KHDRBS2: variants seen among roughly 807,000 people sequenced by gnomAD.
KHDRBS2 encodes KH RNA binding domain containing, signal transduction associated 2.
Under a neutral mutation model 44.3 loss-of-function variants are expected in KHDRBS2, and 26 were observed. The ratio of observed to expected loss-of-function variants is 0.59; its 90% CI spans 0.43 to 0.81. KHDRBS2 has a LOEUF of 0.81. KHDRBS2 is among the 40% of genes least tolerant of loss of function. KHDRBS2 has a pLI of 0.00. For synonymous variants in KHDRBS2, 194 were observed against 151.1 expected, an observed-to-expected ratio of 1.28 and a Z score of -2.08; for missense variants, 476 against 433.1, an observed-to-expected ratio of 1.10 and a Z score of -0.88.
the KHDRBS2 span, among the ~76,000 whole-genome samples, chr6:61,635,464 T>C: frequency 2.0e-5 from 3 of 152,062 alleles, no homozygotes; most frequent in Admixed American, 6.6e-5. Context: ...ATGAACAGTA[T>C]GGTTACTGAC....
intron 1 of KHDRBS2, among the ~76,000 whole-genome samples, chr6:62,251,213 T>G (rs1478212179): frequency 1.3e-5 from 2 of 151,864 alleles, no homozygotes; most frequent in African/African-American, 2.4e-5. Context: ...GTAGCTTTCA[T>G]ATTTAGGAAA....
At chr6:61,549,978 CT>C in the KHDRBS2 span, among the ~76,000 whole-genome samples, 1 of 151,994 alleles carries the variant, frequency 6.6e-6, no homozygotes, top group Non-Finnish European at 1.5e-5. Context: ...AAAAACCATT[CT>C]TTTTTAATGT....
chr6:61,984,290 A>AGAT (rs1326381571), intron 3 of KHDRBS2, among the ~76,000 whole-genome samples: 1 of 152,138 alleles, frequency 6.6e-6, no homozygotes, highest in African/African-American at 2.4e-5. Context: ...TCCCTTTTAC[A>AGAT]GATATCATAT....
intron 6 of KHDRBS2, among the ~76,000 whole-genome samples, chr6:61,851,750 A>C (rs558091518): frequency 6.6e-6 from 1 of 152,352 alleles, no homozygotes; most frequent in Admixed American, 6.5e-5. Flanking sequence ...ATGGCAACCT[A>C]GTGAACTATA....
chr6:62,223,396 A>G (rs1831227641), intron 1 of KHDRBS2, among the ~76,000 whole-genome samples: 1 of 151,894 alleles, frequency 6.6e-6, no homozygotes, highest in Non-Finnish European at 1.5e-5. Context: ...CAACGAAATC[A>G]TTTTCTCCTA....
At chr6:62,281,674 C>A (rs553802620) in intron 1 of KHDRBS2, among the ~76,000 whole-genome samples, 1 of 152,088 alleles carries the variant, frequency 6.6e-6, no homozygotes, top group Non-Finnish European at 1.5e-5. Flanking sequence ...ACAAGCATCA[C>A]AAGCAGAAGT....
intron 6 of KHDRBS2, 63 bp downstream of exon 6, chr6:61,894,572 G>A: frequency 7.6e-7 from 1 of 1,318,194 alleles, no homozygotes; most frequent in Non-Finnish European, 1.1e-6. Context: ...AACAGTTTGA[G>A]ACGTAGCTTG....
chr6:61,859,214 T>A (rs1451278156), intron 6 of KHDRBS2, among the ~76,000 whole-genome samples: 1 of 151,928 alleles, frequency 6.6e-6, no homozygotes, highest in African/African-American at 2.4e-5. Flanking sequence ...GAAAGTATGT[T>A]AATGACTCCA....
the KHDRBS2 span, among the ~76,000 whole-genome samples, chr6:61,549,070 A>G: frequency 6.6e-6 from 1 of 152,206 alleles, no homozygotes; most frequent in Admixed American, 6.5e-5. Context: ...AAATGTAAAC[A>G]TAACGTGAAA....
chr6:62,061,537 A>G (rs1424821926), intron 2 of KHDRBS2, among the ~76,000 whole-genome samples: 1 of 148,212 alleles, frequency 6.7e-6, no homozygotes, highest in Non-Finnish European at 1.5e-5. Context: ...TTCTGCCAAG[A>G]GATCCGCTGT....
chr6:62,033,928 AAGAG>A (rs1294322273), intron 3 of KHDRBS2, among the ~76,000 whole-genome samples: 7 of 150,354 alleles, frequency 4.7e-5, no homozygotes, highest in Admixed American at 6.6e-5. Flanking sequence ...TATATTTAGA[AAGAG>A]AGAGAGAGAG....
At chr6:62,246,000 C>T (rs192886513) in intron 1 of KHDRBS2, among the ~76,000 whole-genome samples, 2 of 151,366 alleles carry the variant, frequency 1.3e-5, no homozygotes, top group Admixed American at 1.3e-4. Flanking sequence ...GCAGCAGGAA[C>T]TGCAAACCTT....
intron 3 of KHDRBS2, among the ~76,000 whole-genome samples, chr6:61,989,010 G>A (rs1438705319): frequency 6.6e-6 from 1 of 152,154 alleles, no homozygotes; most frequent in African/African-American, 2.4e-5. Context: ...AAAATGTATG[G>A]TGTTAAAAGA....
At chr6:61,711,134 T>C (rs1770451813) in intron 7 of KHDRBS2, among the ~76,000 whole-genome samples, 1 of 151,586 alleles carries the variant, frequency 6.6e-6, no homozygotes, top group Admixed American at 6.6e-5. Flanking sequence ...AATTTAAAAA[T>C]ACTAAATAAT....
At position 61,767,442 on chromosome 6, in the gene KHDRBS2, T is replaced by C. The variant is rs72878832; in HGVS notation, c.811-34678A>G. On this transcript the variant is annotated intron_variant, in intron 6 of 8. Transcript: ENST00000281156. ...CACTCTATGTCTTTTGATTAGAGTT[T>C]AGTGTATTTACATTCAATATTATTA... 4.5e-3 allele frequency among the ~76,000 whole-genome samples: 692 copies of C among 152,232 alleles called. 2 individuals are homozygous for C. Among genetic ancestry groups the C allele is most frequent in the Non-Finnish European group, 7.7e-3 (521 of 67,962 alleles).
chr6:62,229,570 T>C, intron 1 of KHDRBS2, among the ~76,000 whole-genome samples: 1 of 152,342 alleles, frequency 6.6e-6, no homozygotes, highest in South Asian at 2.1e-4. Context: ...ATGCAGATTC[T>C]AGCTTAGTGG....
intron 2 of KHDRBS2, among the ~76,000 whole-genome samples, chr6:62,072,522 C>A (rs1795383884): frequency 2.6e-5 from 4 of 152,040 alleles, no homozygotes; most frequent in Admixed American, 2.0e-4. Flanking sequence ...CTCATTAATA[C>A]CTAATTTATT....
rs546498677 is a variant in KHDRBS2, at chr6:62,277,308, A to G, written c.91+8550T>C. Among the ~76,000 whole-genome samples, 66 of 152,110 alleles carry G rather than the reference A, an allele frequency of 4.3e-4. No homozygotes were observed. In the South Asian group the frequency reaches 0.013, roughly 30 times the overall value. ...TTCATTTATTAATAGCACATATCAT[A>G]TGCAGTTTTTTGGGTTTTTCTGTTG... On this transcript the variant is annotated intron_variant, in intron 1 of 8. Transcript: ENST00000281156.
intron 6 of KHDRBS2, among the ~76,000 whole-genome samples, chr6:61,866,954 G>A (rs548698852): frequency 1.8e-4 from 27 of 152,092 alleles, no homozygotes; most frequent in Non-Finnish European, 3.4e-4. Context: ...TATTCAACAA[G>A]TCTCTAGAAA....
Sources: gnomAD v4.1 joint callset for allele counts (sites outside exome capture counted in the v4.1 genomes callset) on GRCh38, gnomAD v4.1.1 for gene constraint, MANE v1.5 for transcripts, NCBI Gene and HGNC (gene_info 2026-07-23, HGNC 2026-07-21) for gene names.